The following FRMPD4 variants were observed in gnomAD, a reference collection of about 807,000 sequenced individuals.
The protein encoded by FRMPD4 is FERM and PDZ domain containing 4, also known as FERM and PDZ domain-containing protein 4.
FRMPD4 carries 22 observed loss-of-function variants against 94.1 expected under a neutral mutation model. The ratio of observed to expected loss-of-function variants is 0.23; its 90% CI spans 0.17 to 0.33. The LOEUF (loss-of-function observed/expected upper bound fraction) is 0.33. Among genes scored for constraint, FRMPD4 ranks in the 10% least tolerant of loss-of-function variants. FRMPD4 has a pLI of 1.00. For synonymous variants in FRMPD4, 631 were observed against 548.6 expected (o/e 1.15, Z -2.10); for missense variants, 1,111 against 1,339.9 (o/e 0.83, Z 2.67).
At chrX:12,565,098 T>G (rs1035874097) in intron 2 of FRMPD4, among the ~76,000 whole-genome samples, 2 of 98,395 alleles carry the variant, frequency 2.0e-5, no homozygotes, top group South Asian at 4.3e-4. Context: ...AAAAAAAAAG[T>G]AGCATAGTAT....
In FRMPD4 at chrX:12,717,713, T is replaced by C; in HGVS notation, c.2887T>C (p.Leu963=). Residue 963 remains leucine, a synonymous_variant, in exon 16 of 17, where the codon TTG becomes CTG. Coordinates refer to ENST00000675598, the MANE Select transcript of FRMPD4 (RefSeq NM_001368397.1). ...FPASKTPAGG[L]PPKSSHALAA... Reference sequence around the variant, plus strand: ...GGCCTCCAAGACCCCCGCTGGGGGCTTGCCTCCAAAGTCCTCGCACGCCCT... The same window carrying C: ...GGCCTCCAAGACCCCCGCTGGGGGCCTGCCTCCAAAGTCCTCGCACGCCCT... 8.3e-7 allele frequency: 1 copy of C among 1,210,938 alleles called. No individual in the cohort carries two copies. The highest frequency in any genetic ancestry group is 1.1e-6 in the Non-Finnish European group (1 of 894,487).
chrX:12,055,899 CTGTT>C (rs1191735922), intron 3 of FRMPD4, among the ~76,000 whole-genome samples: 2 of 111,355 alleles, frequency 1.8e-5, no homozygotes, highest in South Asian at 3.8e-4. Flanking sequence ...GATAAGTATT[CTGTT>C]TGTTTGGGCC....
chrX:12,635,888 C>A (rs2059439025), intron 4 of FRMPD4, among the ~76,000 whole-genome samples: 1 of 111,393 alleles, frequency 9.0e-6, no homozygotes, highest in Non-Finnish European at 1.9e-5. Flanking sequence ...TTCCCATCAC[C>A]CAACTTCAGT....
At chrX:12,659,315 G>A (rs2059691516) in intron 4 of FRMPD4, among the ~76,000 whole-genome samples, 1 of 112,970 alleles carries the variant, frequency 8.9e-6, no homozygotes, top group Non-Finnish European at 1.9e-5. Context: ...TCAGCATGCT[G>A]CATTATACAT....
At chrX:12,360,957 G>GA (rs71871271) in intron 1 of FRMPD4, among the ~76,000 whole-genome samples, 3,443 of 58,789 alleles carry the variant, frequency 0.059, 67 homozygotes, top group East Asian at 0.13. Flanking sequence ...GCCATGAAAA[G>GA]AAAAAAAAAA....
chrX:12,514,883 C>T (rs949036687), intron 2 of FRMPD4, among the ~76,000 whole-genome samples: 9 of 111,902 alleles, frequency 8.0e-5, no homozygotes, highest in African/African-American at 2.9e-4. Flanking sequence ...TTATTACTGC[C>T]TCAATTTCAG....
intron 1 of FRMPD4, among the ~76,000 whole-genome samples, chrX:11,837,562 A>G (rs2053508111): frequency 8.9e-6 from 1 of 111,757 alleles, no homozygotes; most frequent in South Asian, 3.7e-4. Context: ...CAAGAATAAT[A>G]GAGGGCATGA....
chrX:12,586,076 A>G (rs2058926281), intron 2 of FRMPD4, among the ~76,000 whole-genome samples: 1 of 112,818 alleles, frequency 8.9e-6, no homozygotes, highest in Admixed American at 9.3e-5. Context: ...AGAAATATGC[A>G]TTGTAGAAAC....
intron 1 of FRMPD4, among the ~76,000 whole-genome samples, chrX:12,314,099 A>G (rs747883284): frequency 4.4e-5 from 5 of 112,699 alleles, no homozygotes; most frequent in Non-Finnish European, 7.5e-5. Context: ...TGAAGCTTAT[A>G]TAGTTCTCAT....
At chrX:12,286,293 T>C (rs915836237) in intron 1 of FRMPD4, among the ~76,000 whole-genome samples, 3 of 111,165 alleles carry the variant, frequency 2.7e-5, no homozygotes, top group Non-Finnish European at 5.7e-5. Flanking sequence ...AATCTTGCTG[T>C]CATTTTCTTC....
In FRMPD4 at chrX:12,053,371, A is replaced by G. The variant is rs182595343; in HGVS notation, c.95+175353A>G. ...GAAAGGAAAGAAAGAAGAAAGAAAG[A>G]AAGAAAGAAAGAAAGAAAGAAAGAA... On this transcript the variant is annotated intron_variant, in intron 3 of 18. Coordinates refer to the FRMPD4 transcript ENST00000640291. Among the ~76,000 whole-genome samples the G allele has an allele frequency of 5.2e-3, 359 of 69,243 alleles. 11 individuals carry two copies. The highest frequency in any genetic ancestry group is 0.039 in the Admixed American group (231 of 5,960). The allele number at this position is 69,243 out of a possible 115,157, so 60.1% of individuals were successfully genotyped here.
intron 3 of FRMPD4, among the ~76,000 whole-genome samples, chrX:12,073,853 A>G (rs1255736636): frequency 1.8e-5 from 2 of 109,061 alleles, no homozygotes; most frequent in Non-Finnish European, 3.8e-5. Context: ...ACAGGTGTGT[A>G]CCTCCATGTC....
chrX:11,978,621 T>C (rs747900798), intron 3 of FRMPD4, among the ~76,000 whole-genome samples: 4 of 111,816 alleles, frequency 3.6e-5, no homozygotes, highest in Non-Finnish European at 7.5e-5. Context: ...ACTGAAGTAA[T>C]GAAATGGTTA....
In FRMPD4 at chrX:12,720,644, G is replaced by C. The variant is rs1374245982; in HGVS notation, c.4075G>C (p.Val1359Leu). 1.1e-4 allele frequency: 128 copies of C among 1,166,116 alleles called. 1 individual carries two copies. In the East Asian group the frequency reaches 3.9e-3, roughly 35 times the overall value. The change falls in exon 17 of 17, where the codon GTG (valine) becomes CTG (leucine). Residue 1359 changes from valine to leucine, a missense_variant. Coordinates refer to ENST00000675598, the MANE Select transcript of FRMPD4 (RefSeq NM_001368397.1). Reference sequence around the variant, plus strand: ...ATCAAACATTCACTCGGAATCAAAGGTGCCAATTCCAAATCAAGACCCTAA... The same window carrying C: ...ATCAAACATTCACTCGGAATCAAAGCTGCCAATTCCAAATCAAGACCCTAA... ...LPSNIHSESK[V>L]PIPNQDPNDF...
intron 4 of FRMPD4, among the ~76,000 whole-genome samples, chrX:12,624,925 A>G (rs2059331389): frequency 9.0e-6 from 1 of 111,389 alleles, no homozygotes; most frequent in South Asian, 3.8e-4. Context: ...TAAGGAACAC[A>G]AACAGCTCAA....
intron 1 of FRMPD4, among the ~76,000 whole-genome samples, chrX:12,174,041 G>C (rs2056263153): frequency 9.0e-6 from 1 of 111,336 alleles, no homozygotes; most frequent in South Asian, 3.8e-4. Flanking sequence ...GACTTCTCCA[G>C]CTTTAGACCT....
At chrX:11,862,617 T>C (rs2053693652) in intron 1 of FRMPD4, among the ~76,000 whole-genome samples, 1 of 110,796 alleles carries the variant, frequency 9.0e-6, no homozygotes, top group Non-Finnish European at 1.9e-5. Context: ...TCCCTAGCAA[T>C]GACTGAGCAT....
At chrX:12,312,293 C>T (rs1256435827) in intron 1 of FRMPD4, among the ~76,000 whole-genome samples, 6 of 85,057 alleles carry the variant, frequency 7.1e-5, no homozygotes, top group Non-Finnish European at 1.1e-4. Context: ...CGCTCTGTTG[C>T]CCAGGCTGGA....
At chrX:12,196,748 A>G (rs1483294067) in intron 1 of FRMPD4, among the ~76,000 whole-genome samples, 1 of 109,971 alleles carries the variant, frequency 9.1e-6, no homozygotes, top group Non-Finnish European at 1.9e-5. Flanking sequence ...TAGATTTCTA[A>G]TAGGAAGCAT....
Sources: gnomAD v4.1 joint callset for allele counts (sites outside exome capture counted in the v4.1 genomes callset) on GRCh38, gnomAD v4.1.1 for gene constraint, MANE v1.5 for transcripts, NCBI Gene and HGNC (gene_info 2026-07-23, HGNC 2026-07-21) for gene names.